The following SCAF8 variants were observed in gnomAD, a reference collection of about 807,000 sequenced individuals.
SCAF8 encodes SR-related and CTD-associated factor 8.
In SCAF8, 23 loss-of-function variants were observed where a neutral mutation model predicts 140.5. The observed-to-expected ratio is 0.16, with a 90% CI of 0.12 to 0.23. The LOEUF is 0.23. Ranked by LOEUF, SCAF8 falls within the 10% of genes least tolerant of loss-of-function variation. SCAF8 has a pLI of 1.00. For synonymous variants in SCAF8, 575 were observed against 528.9 expected, an observed-to-expected ratio of 1.09 and a Z score of -1.20; for missense variants, 1,397 against 1,555.7, an observed-to-expected ratio of 0.90 and a Z score of 1.72.
intron 1 of SCAF8, among the ~76,000 whole-genome samples, chr6:154,770,518 C>G (rs555644408): frequency 6.6e-6 from 1 of 151,630 alleles, no homozygotes; most frequent in East Asian, 1.9e-4. Flanking sequence ...CTGCAGTGAT[C>G]GGTGCTTATG....
At chr6:154,757,142 G>A (rs1778986796) in intron 1 of SCAF8, among the ~76,000 whole-genome samples, 1 of 152,162 alleles carries the variant, frequency 6.6e-6, no homozygotes, top group Admixed American at 6.5e-5. Context: ...GACTACAGGT[G>A]CACGCCACTA....
rs369220358 is a variant in SCAF8, at chr6:154,791,640, G to GTT, written c.322-1177_322-1176dup. Among the ~76,000 whole-genome samples, 878 of 135,356 alleles carry GTT rather than the reference G, an allele frequency of 6.5e-3. 3 individuals carry two copies. The highest frequency in any genetic ancestry group is 0.018 in the African/African-American group (727 of 39,352). 88.8% of individuals were successfully genotyped at this position (135,356 alleles called of 152,430 possible). Reference sequence around the variant, plus strand: ...TAAATGAGGATGCTAAAGTTTTTTTGTTTTTTTAAAAAATGTGTTGACATA... The same window carrying GTT: ...TAAATGAGGATGCTAAAGTTTTTTTGTTTTTTTTTAAAAAATGTGTTGACATA... On this transcript the variant is annotated intron_variant, in intron 4 of 19. Transcript: ENST00000367178.
intron 1 of SCAF8, among the ~76,000 whole-genome samples, chr6:154,759,826 C>T (rs1366672644): frequency 4.6e-5 from 7 of 152,028 alleles, no homozygotes; most frequent in African/African-American, 1.2e-4. Flanking sequence ...CCACCACGCC[C>T]GGCTAATTTT....
At chr6:154,770,301 AACAC>A (rs139254863) in intron 1 of SCAF8, among the ~76,000 whole-genome samples, 11 of 151,032 alleles carry the variant, frequency 7.3e-5, no homozygotes, top group Admixed American at 2.6e-4. Flanking sequence ...AAAAAAAGAA[AACAC>A]ACACACACAC....
intron 6 of SCAF8, among the ~76,000 whole-genome samples, chr6:154,796,389 C>CTGTCTGTCTGTCTG (rs10679817): frequency 5.0e-5 from 7 of 141,058 alleles, no homozygotes; most frequent in South Asian, 4.7e-4. Context: ...CTCTCTCTCT[C>CTGTCTGTCTGTCTG]TCTGTCTCTC....
At chr6:154,762,543 G>T (rs2114826489) in intron 1 of SCAF8, among the ~76,000 whole-genome samples, 1 of 152,236 alleles carries the variant, frequency 6.6e-6, no homozygotes, top group South Asian at 2.1e-4. Flanking sequence ...GAAGGATGGG[G>T]TCATTAGATA....
At chr6:154,806,712 T>C (rs554460767) in intron 9 of SCAF8, among the ~76,000 whole-genome samples, 2 of 152,294 alleles carry the variant, frequency 1.3e-5, no homozygotes, top group South Asian at 2.1e-4. Context: ...GTTAATGATA[T>C]TTGCTGCATT....
intron 6 of SCAF8, among the ~76,000 whole-genome samples, chr6:154,798,302 A>G (rs1777667290): frequency 6.6e-6 from 1 of 151,554 alleles, no homozygotes; most frequent in African/African-American, 2.4e-5. Flanking sequence ...TCTGTTATAC[A>G]GATGACAATT....
At chr6:154,810,684 G>A (rs1402178357) in intron 12 of SCAF8, among the ~76,000 whole-genome samples, 9 of 152,174 alleles carry the variant, frequency 5.9e-5, no homozygotes, top group Non-Finnish European at 7.3e-5. Context: ...AGTCAATTAC[G>A]TATGATTAGA....
chr6:154,744,969 A>G (rs1318987477), intron 1 of SCAF8, among the ~76,000 whole-genome samples: 1 of 152,226 alleles, frequency 6.6e-6, no homozygotes, highest in Non-Finnish European at 1.5e-5. Flanking sequence ...TTTAAAAACA[A>G]GCGCATTTTA....
At chr6:154,827,748 A>G (rs1219777714) in intron 18 of SCAF8, among the ~76,000 whole-genome samples, 1 of 142,210 alleles carries the variant, frequency 7.0e-6, no homozygotes, top group Non-Finnish European at 1.5e-5. Context: ...GAGAAGCAAA[A>G]TGCTGTAGGA....
chr6:154,734,470 G>C (rs79801576), intron 1 of SCAF8, among the ~76,000 whole-genome samples: 1 of 152,180 alleles, frequency 6.6e-6, no homozygotes, highest in Non-Finnish European at 1.5e-5. Flanking sequence ...CTAGGGACTT[G>C]AGCTAATTGG....
At chr6:154,801,235 T>C (rs1777763912) in intron 6 of SCAF8, among the ~76,000 whole-genome samples, 1 of 151,570 alleles carries the variant, frequency 6.6e-6, no homozygotes, top group African/African-American at 2.4e-5. Flanking sequence ...ACTGTCATCT[T>C]ACATAGTTTT....
intron 1 of SCAF8, among the ~76,000 whole-genome samples, chr6:154,742,783 T>C (rs867071741): frequency 1.3e-5 from 2 of 152,216 alleles, no homozygotes; most frequent in Non-Finnish European, 2.9e-5. Flanking sequence ...TCATGTTCTC[T>C]AAAGACAATT....
intron 18 of SCAF8, among the ~76,000 whole-genome samples, chr6:154,827,823 TTGGGGCGGGGCG>T (rs1778607853): frequency 1.1e-5 from 1 of 91,218 alleles, no homozygotes; most frequent in South Asian, 4.1e-4. Context: ...CACACCTTTT[TTGGGGCGGGGCG>T]GGGGGGGGGG....
At chr6:154,762,204 C>T (rs963111598) in intron 1 of SCAF8, among the ~76,000 whole-genome samples, 9 of 152,202 alleles carry the variant, frequency 5.9e-5, no homozygotes, top group African/African-American at 2.2e-4. Context: ...ACTTGTTTCA[C>T]AGTTTCCATA....
intron 14 of SCAF8, among the ~76,000 whole-genome samples, chr6:154,819,869 G>A (rs1778361459): frequency 1.3e-5 from 2 of 152,194 alleles, no homozygotes; most frequent in South Asian, 2.1e-4. Flanking sequence ...CCTGCCTGCA[G>A]TCCCAGCTGC....
intron 15 of SCAF8, among the ~76,000 whole-genome samples, chr6:154,821,452 TATC>T (rs1258319456): frequency 6.6e-6 from 1 of 152,184 alleles, no homozygotes; most frequent in Non-Finnish European, 1.5e-5. Context: ...ACACATTTAT[TATC>T]TGTGAAAAAA....
chr6:154,762,094 T>C (rs1407653542), intron 1 of SCAF8, among the ~76,000 whole-genome samples: 1 of 152,246 alleles, frequency 6.6e-6, no homozygotes, highest in Non-Finnish European at 1.5e-5. Flanking sequence ...ATACACATAC[T>C]AGAAAATAAA....
Sources: gnomAD v4.1 joint callset for allele counts (sites outside exome capture counted in the v4.1 genomes callset) on GRCh38, gnomAD v4.1.1 for gene constraint, MANE v1.5 for transcripts, NCBI Gene and HGNC (gene_info 2026-07-23, HGNC 2026-07-21) for gene names.